Variants in MARCHF1 observed in about 807,000 individuals in gnomAD.
The protein encoded by MARCHF1 is membrane associated ring-CH-type finger 1.
MARCHF1 carries 40 observed loss-of-function variants against 54.2 expected under a neutral mutation model. That is an observed-to-expected ratio of 0.74 (90% confidence interval 0.57 to 0.96). The LOEUF is 0.96. MARCHF1 is among the 40% of genes least tolerant of loss of function. MARCHF1 has a pLI of 0.00. For missense variants in MARCHF1, 586 were observed against 656.5 expected, an observed-to-expected ratio of 0.89 and a Z score of 1.17; for synonymous variants, 236 against 236.3, an observed-to-expected ratio of 1.00 and a Z score of 0.01.
At chr4:163,963,930 A>G (rs1174455423) in intron 3 of MARCHF1, among the ~76,000 whole-genome samples, 5 of 151,918 alleles carry the variant, frequency 3.3e-5, no homozygotes, top group Non-Finnish European at 7.4e-5. Context: ...ACAGTAAGAG[A>G]CCTTATGCAA....
At chr4:163,700,147 T>C (rs1441835542) in intron 5 of MARCHF1, among the ~76,000 whole-genome samples, 8 of 152,138 alleles carry the variant, frequency 5.3e-5, no homozygotes, top group Admixed American at 2.6e-4. Context: ...TAGTTTCAAC[T>C]TGGATATGTG....
At chr4:163,606,389 G>C (rs1487939474) in intron 7 of MARCHF1, among the ~76,000 whole-genome samples, 3 of 152,020 alleles carry the variant, frequency 2.0e-5, no homozygotes, top group Non-Finnish European at 4.4e-5. Flanking sequence ...ACAGATGTAA[G>C]GCAGGACTCC....
chr4:163,599,211 A>G (rs1740869069), intron 7 of MARCHF1, among the ~76,000 whole-genome samples: 1 of 151,888 alleles, frequency 6.6e-6, no homozygotes, highest in African/African-American at 2.4e-5. Flanking sequence ...AATCACTTGA[A>G]CCCAGGAGGT....
intron 1 of MARCHF1, among the ~76,000 whole-genome samples, chr4:164,220,818 G>C (rs1343247484): frequency 6.8e-6 from 1 of 148,080 alleles, no homozygotes; most frequent in Non-Finnish European, 1.5e-5. Context: ...AAAACTTTTA[G>C]AAAATTGTAC....
intron 8 of MARCHF1, among the ~76,000 whole-genome samples, chr4:163,576,992 T>G (rs1193973720): frequency 6.6e-6 from 1 of 151,936 alleles, no homozygotes. Flanking sequence ...GACAAATGAG[T>G]GTGTTTTCTT....
intron 4 of MARCHF1, among the ~76,000 whole-genome samples, chr4:163,797,582 A>AT (rs1352942726): frequency 6.6e-6 from 1 of 151,910 alleles, no homozygotes; most frequent in African/African-American, 2.4e-5. Context: ...ATTTACATTA[A>AT]TTTTGCTCTG....
intron 3 of MARCHF1, among the ~76,000 whole-genome samples, chr4:163,971,464 G>T (rs927206370): frequency 3.9e-5 from 6 of 152,158 alleles, no homozygotes; most frequent in Non-Finnish European, 8.8e-5. Flanking sequence ...TTTTAGAGTG[G>T]ACTAATTCAA....
intron 1 of MARCHF1, among the ~76,000 whole-genome samples, chr4:164,134,356 G>GGCT (rs781239711): frequency 1.3e-5 from 2 of 152,076 alleles, no homozygotes; most frequent in Non-Finnish European, 2.9e-5. Flanking sequence ...AATTTCTGTT[G>GGCT]GCTGCTGAAA....
In MARCHF1 at chr4:164,040,313, T is replaced by C. The variant is rs937890525; in HGVS notation, c.-247-51604A>G. Reference sequence around the variant, plus strand: ...AAGTATCTATAAGTACATATACTTATAAATATGTATAAATACTTATACAAT... The same window carrying C: ...AAGTATCTATAAGTACATATACTTACAAATATGTATAAATACTTATACAAT... On this transcript the variant is annotated intron_variant, in intron 2 of 9. Coordinates refer to ENST00000514618, the MANE Select transcript of MARCHF1 (RefSeq NM_001394959.1). Among the ~76,000 whole-genome samples, 7 of 114,646 alleles carry C rather than the reference T, an allele frequency of 6.1e-5. No homozygotes were observed. In the East Asian group the frequency reaches 1.9e-3, roughly 31 times the overall value. The allele number at this position is 114,646 out of a possible 152,430, so 75.2% of individuals were successfully genotyped here.
chr4:163,574,990 T>C (rs1303420972), intron 8 of MARCHF1, among the ~76,000 whole-genome samples: 3 of 152,068 alleles, frequency 2.0e-5, no homozygotes, highest in Non-Finnish European at 4.4e-5. Flanking sequence ...TTTTATTTCA[T>C]TGAGCAGTGG....
intron 3 of MARCHF1, among the ~76,000 whole-genome samples, chr4:163,941,569 G>T (rs572980653): frequency 1.1e-4 from 16 of 152,042 alleles, no homozygotes; most frequent in African/African-American, 3.1e-4. Flanking sequence ...GACCTTTTTG[G>T]GTCCTTCTCA....
intron 1 of MARCHF1, among the ~76,000 whole-genome samples, chr4:164,148,417 T>C (rs1340725870): frequency 6.6e-6 from 1 of 152,142 alleles, no homozygotes; most frequent in Non-Finnish European, 1.5e-5. Context: ...GCCAGCCATG[T>C]TCTCTTAATT....
chr4:163,525,755 G>C lies in MARCHF1; in HGVS notation c.*2993C>G, dbSNP rs1302277741. ...ATTTCTTCCACGAGCAGGTAAACATGCCTCAAAATTTGCATTCCGTAGAGC... is the reference window on the plus strand; with the variant it reads ...ATTTCTTCCACGAGCAGGTAAACATCCCTCAAAATTTGCATTCCGTAGAGC... On this transcript the variant is annotated 3_prime_UTR_variant, in exon 10 of 10. Transcript: ENST00000514618. 1 of 151,162 alleles carries C rather than the reference G, an allele frequency of 6.6e-6. No homozygotes were observed. Among genetic ancestry groups the C allele is most frequent in the Non-Finnish European group, 1.5e-5 (1 of 67,790 alleles). The allele number at this position is 151,162 out of a possible 1,614,324, so 9.4% of individuals were successfully genotyped here.
chr4:163,799,041 T>C (rs1262336106), intron 4 of MARCHF1, among the ~76,000 whole-genome samples: 3 of 152,090 alleles, frequency 2.0e-5, no homozygotes, highest in Non-Finnish European at 4.4e-5. Flanking sequence ...AATCTAAAGC[T>C]GCACTGTTAA....
chr4:163,643,684 C>T (rs1742646694), intron 5 of MARCHF1, among the ~76,000 whole-genome samples: 1 of 152,108 alleles, frequency 6.6e-6, no homozygotes, highest in South Asian at 2.1e-4. Flanking sequence ...GGCTATTGTT[C>T]CTCTTTTTGT....
intron 2 of MARCHF1, among the ~76,000 whole-genome samples, chr4:164,030,328 CT>C (rs1170837818): frequency 6.6e-6 from 1 of 152,012 alleles, no homozygotes; most frequent in African/African-American, 2.4e-5. Context: ...TTTCCATTGT[CT>C]TTTAACATTC....
chr4:163,617,982 T>C (rs1407446659), intron 5 of MARCHF1, among the ~76,000 whole-genome samples: 2 of 152,166 alleles, frequency 1.3e-5, no homozygotes, highest in Non-Finnish European at 2.9e-5. Context: ...GATCACTGAA[T>C]AGTAACACAG....
chr4:163,941,281 T>C (rs1196661607), intron 3 of MARCHF1, among the ~76,000 whole-genome samples: 1 of 152,066 alleles, frequency 6.6e-6, no homozygotes, highest in Non-Finnish European at 1.5e-5. Flanking sequence ...GCTGTGGTTG[T>C]CAAGAAAAGC....
intron 4 of MARCHF1, among the ~76,000 whole-genome samples, chr4:163,796,632 T>C (rs542556584): frequency 6.6e-6 from 1 of 152,268 alleles, no homozygotes; most frequent in Admixed American, 6.5e-5. Flanking sequence ...TTTTAATTGG[T>C]GAGTATAATG....
Sources: gnomAD v4.1 joint callset for allele counts (sites outside exome capture counted in the v4.1 genomes callset) on GRCh38, gnomAD v4.1.1 for gene constraint, MANE v1.5 for transcripts, NCBI Gene and HGNC (gene_info 2026-07-23, HGNC 2026-07-21) for gene names.